The following CDK5RAP2 variants were observed in gnomAD, a reference collection of about 807,000 sequenced individuals.
The protein encoded by CDK5RAP2 is CDK5 regulatory subunit-associated protein 2.
Under a neutral mutation model 232.9 loss-of-function variants are expected in CDK5RAP2, and 147 were observed. The observed-to-expected ratio is 0.63, with a 90% confidence interval of 0.55 to 0.72. The LOEUF is 0.72. Among genes scored for constraint, CDK5RAP2 ranks in the 30% least tolerant of loss-of-function variants. The pLI, the probability that CDK5RAP2 is intolerant of heterozygous loss-of-function variation, is 0.00. For missense variants in CDK5RAP2, 2,195 were observed against 2,231.5 expected (o/e 0.98, Z 0.33); for synonymous variants, 833 against 833.7 (o/e 1.00, Z 0.01).
intron 25 of CDK5RAP2, among the ~76,000 whole-genome samples, chr9:120,426,998 T>C (rs1364939570): frequency 1.3e-5 from 2 of 152,112 alleles, no homozygotes; most frequent in East Asian, 3.9e-4. Flanking sequence ...GTTTTTAAGG[T>C]TTTGTTGGGT....
intron 7 of CDK5RAP2, among the ~76,000 whole-genome samples, chr9:120,532,852 T>C (rs1459524726): frequency 6.6e-6 from 1 of 152,154 alleles, no homozygotes; most frequent in Non-Finnish European, 1.5e-5. Flanking sequence ...CCGACATCCA[T>C]GGAGACTCTA....
chr9:120,405,704 T>C (rs985394175), intron 32 of CDK5RAP2, among the ~76,000 whole-genome samples: 1 of 152,230 alleles, frequency 6.6e-6, no homozygotes, highest in African/African-American at 2.4e-5. Flanking sequence ...TGTAGGGTTT[T>C]CTCCTAAGAA....
At chr9:120,563,299 G>A (rs1040812269) in intron 3 of CDK5RAP2, among the ~76,000 whole-genome samples, 4 of 152,294 alleles carry the variant, frequency 2.6e-5, no homozygotes, top group South Asian at 4.1e-4. Context: ...AGCAGTGTAC[G>A]ACGGGGAGAG....
At chr9:120,545,504 G>A (rs747811692) in intron 5 of CDK5RAP2, among the ~76,000 whole-genome samples, 5 of 152,092 alleles carry the variant, frequency 3.3e-5, no homozygotes, top group East Asian at 1.9e-4. Flanking sequence ...GAACATTCAC[G>A]CTGTACACTT....
In CDK5RAP2 at chr9:120,394,545, T is replaced by A; in HGVS notation, c.5545A>T (p.Ser1849Cys). The change falls in exon 36 of 38, where the codon AGC becomes TGC. Residue 1849 changes from serine to cysteine, a missense_variant. Coordinates refer to ENST00000349780, the MANE Select transcript of CDK5RAP2 (RefSeq NM_018249.6). ...LQNTMKLLQL[S>C]KRQEKVIFDQ... Reference sequence around the variant, plus strand: ...AAGATGACTTTTTCCTGGCGCTTGCTCAGCTGCAAAAGCTTCATGGTGTTT... The same window carrying A: ...AAGATGACTTTTTCCTGGCGCTTGCACAGCTGCAAAAGCTTCATGGTGTTT... 1 of 1,614,204 alleles carries A rather than the reference T, an allele frequency of 6.2e-7. No individual in the cohort carries two copies. Among genetic ancestry groups the A allele is most frequent in the Non-Finnish European group, 8.5e-7 (1 of 1,180,032 alleles).
intron 13 of CDK5RAP2, among the ~76,000 whole-genome samples, chr9:120,489,265 C>T (rs1029501206): frequency 6.6e-6 from 1 of 152,176 alleles, no homozygotes; most frequent in Non-Finnish European, 1.5e-5. Flanking sequence ...TCTGTGGAAG[C>T]CTTTCAGGTC....
intron 23 of CDK5RAP2, among the ~76,000 whole-genome samples, chr9:120,442,897 G>T (rs2035978689): frequency 6.6e-6 from 1 of 152,040 alleles, no homozygotes; most frequent in Admixed American, 6.6e-5. Flanking sequence ...ACAAATTTAG[G>T]ATTCTTGAGG....
rs1400153016 is a variant in CDK5RAP2 at position 120,491,292 on chromosome 9, CAA to C, written c.1482+13_1482+14del. The C allele has an allele frequency of 1.2e-6, 2 of 1,602,790 alleles. No homozygotes were observed. The highest frequency in any genetic ancestry group is 1.7e-5 in the Admixed American group (1 of 59,738). ...CATGCCAAATTAAAAAATTTAAATA[CAA>C]AAGTTACAGTACCTGAAGCAACACG... On this transcript the variant is annotated intron_variant, in intron 13 of 37. Coordinates refer to ENST00000349780, the MANE Select transcript of CDK5RAP2 (RefSeq NM_018249.6).
chr9:120,561,127 C>G (rs77025237), intron 3 of CDK5RAP2, among the ~76,000 whole-genome samples: 70 of 152,286 alleles, frequency 4.6e-4, no homozygotes, highest in African/African-American at 1.5e-3. Flanking sequence ...AAGTTCATCT[C>G]TAGTAAACAA....
chr9:120,540,824 C>G (rs1164737526), intron 5 of CDK5RAP2, among the ~76,000 whole-genome samples: 1 of 152,248 alleles, frequency 6.6e-6, no homozygotes, highest in African/African-American at 2.4e-5. Flanking sequence ...CACACTAGCC[C>G]TTGGCCTCTG....
rs1464136120 is a variant in CDK5RAP2, at chr9:120,524,979, C to T, written c.1092+7G>A. 1.2e-6 allele frequency: 2 copies of T among 1,609,174 alleles called. No homozygotes were observed. Among genetic ancestry groups the T allele is most frequent in the Admixed American group, 3.3e-5 (2 of 60,024 alleles). On this transcript the variant is annotated splice_region_variant and intron_variant, in intron 11 of 37. Coordinates refer to ENST00000349780, the MANE Select transcript of CDK5RAP2 (RefSeq NM_018249.6). ...GAGACAGCCACTTAAGCCAAGTGTA[C>T]ACTTACCTGAAATTCCTGGGTCTGT...
chr9:120,539,208 C>G lies in CDK5RAP2; in HGVS notation c.384-44G>C, dbSNP rs150587936. 222 of 1,612,518 alleles carry G rather than the reference C, an allele frequency of 1.4e-4. No homozygotes were observed. The Middle Eastern group carries it at 2.0e-3, about 14-fold the overall frequency. On this transcript the variant is annotated intron_variant, in intron 5 of 37. Transcript: ENST00000349780. ...GGGTAAAACATGCAAGGGTGATGGTCTGATGGTTATTTCACAGCCCCAAAG... is the reference window on the plus strand; with the variant it reads ...GGGTAAAACATGCAAGGGTGATGGTGTGATGGTTATTTCACAGCCCCAAAG...
chr9:120,554,042 T>C (rs1490620325), intron 3 of CDK5RAP2, among the ~76,000 whole-genome samples: 2 of 152,224 alleles, frequency 1.3e-5, no homozygotes, highest in African/African-American at 2.4e-5. Flanking sequence ...CAATAGAATA[T>C]GATAGAACCA....
intron 3 of CDK5RAP2, among the ~76,000 whole-genome samples, chr9:120,551,770 C>G (rs2042049923): frequency 6.6e-6 from 1 of 152,062 alleles, no homozygotes; most frequent in Non-Finnish European, 1.5e-5. Context: ...TATGATGATA[C>G]CCGGGGAAAC....
intron 13 of CDK5RAP2, among the ~76,000 whole-genome samples, chr9:120,490,587 C>T (rs2038851264): frequency 6.6e-6 from 1 of 152,246 alleles, no homozygotes; most frequent in Non-Finnish European, 1.5e-5. Context: ...CTTTTTGTCC[C>T]AAAGGCATGT....
Position 120,439,448 on chromosome 9 carries a change from T to C in CDK5RAP2, c.3673A>G (p.Ser1225Gly), listed in dbSNP as rs776557919. 1.9e-6 allele frequency: 3 copies of C among 1,614,204 alleles called. No individual in the cohort carries two copies. The highest frequency in any genetic ancestry group is 2.5e-6 in the Non-Finnish European group (3 of 1,180,016). ...TTATTCTGCAGATTATGGATCTCAC[T>C]GAAAAGTTGCATGTTCAAATTCTGC... is the stretch of plus-strand genomic sequence containing the variant. ...KEQNLNMQLF[S>G]EIHNLQNKFR... The change falls in exon 24 of 38, where the codon AGT (serine) becomes GGT (glycine). Residue 1225 changes from serine to glycine, a missense_variant. Physicochemically the swap from Ser to Gly is moderately conservative, Grantham distance 56 (BLOSUM62 0). Transcript: ENST00000349780.
At chr9:120,390,379 G>T (rs2031831104) in intron 36 of CDK5RAP2, 1 of 157,994 alleles carries the variant, frequency 6.3e-6, no homozygotes, top group Non-Finnish European at 1.4e-5. Flanking sequence ...TGGTGGAATA[G>T]CCCAGCCTGA....
In CDK5RAP2 at chr9:120,501,347, A is replaced by C. The variant is rs79373722; in HGVS notation, c.1312-9870T>G. ...CCTGACCATCCACCTTACTCTCCAT[A>C]TTCCTTCCCTTCACCACTTGCCCCA... is the stretch of plus-strand genomic sequence containing the variant. On this transcript the variant is annotated intron_variant, in intron 12 of 37. Transcript: ENST00000349780. 3.8e-3 allele frequency among the ~76,000 whole-genome samples: 581 copies of C among 152,208 alleles called. 4 individuals are homozygous for C. The highest frequency in any genetic ancestry group is 0.013 in the African/African-American group (520 of 41,506).
chr9:120,477,382 G>T lies in CDK5RAP2; in HGVS notation c.1695C>A (p.Thr565=). ...QVLKKEQDIY[T]HLVKSLQESD... ...ATTCCTGCAGAGATTTGACCAGATG[G>T]GTATAGATGTCCTGCTCTTTCTTTA... The change falls in exon 15 of 38, where the codon ACC becomes ACA. Residue 565 remains threonine, a synonymous_variant. Coordinates refer to ENST00000349780, the MANE Select transcript of CDK5RAP2 (RefSeq NM_018249.6). 1 of 1,613,694 alleles carries T rather than the reference G, an allele frequency of 6.2e-7. No individual in the cohort carries two copies. Among genetic ancestry groups the T allele is most frequent in the South Asian group, 1.1e-5 (1 of 91,080 alleles).
Sources: allele counts gnomAD v4.1 joint callset (sites outside exome capture counted in the v4.1 genomes callset), GRCh38; gene constraint gnomAD v4.1.1; transcripts MANE v1.5; gene names NCBI Gene and HGNC (gene_info 2026-07-23, HGNC 2026-07-21).